Variants in RNF217 observed in about 807,000 individuals in gnomAD.
RNF217 encodes ring finger protein 217.
Under a neutral mutation model 57.8 loss-of-function variants are expected in RNF217, and 31 were observed. The observed-to-expected ratio is 0.54, with a 90% CI of 0.40 to 0.72. The LOEUF (loss-of-function observed/expected upper bound fraction) is 0.72, where lower values mean the gene tolerates loss of function less well. RNF217 is among the 30% of genes least tolerant of loss of function. The probability of loss-of-function intolerance (pLI) is 0.00; values close to 1 mark genes in which losing one functional copy is unlikely to be tolerated. For missense variants in RNF217, 696 were observed against 708.3 expected, an observed-to-expected ratio of 0.98 and a Z score of 0.20; for synonymous variants, 313 against 294.0, an observed-to-expected ratio of 1.06 and a Z score of -0.66.
chr6:125,074,261 A>G (rs1788263120), intron 3 of RNF217, among the ~76,000 whole-genome samples: 1 of 151,738 alleles, frequency 6.6e-6, no homozygotes, highest in Non-Finnish European at 1.5e-5. Flanking sequence ...TCACCAAGAA[A>G]CTCTCCAGTT....
chr6:125,060,637 G>T (rs932843271), intron 3 of RNF217, among the ~76,000 whole-genome samples: 4 of 151,892 alleles, frequency 2.6e-5, no homozygotes, highest in African/African-American at 4.8e-5. Context: ...TAGAGACGGG[G>T]TTTCACCATG....
chr6:125,009,448 T>C lies in RNF217; in HGVS notation c.883-35763T>C, dbSNP rs949306540. 28 of 500,406 alleles carry C rather than the reference T, an allele frequency of 5.6e-5. No individual in the cohort carries two copies. In the Admixed American group the frequency reaches 9.8e-4, roughly 17 times the overall value. The allele number at this position is 500,406 out of a possible 1,614,324, so 31.0% of individuals were successfully genotyped here. ...ATTTTCTTTCAGATGGTGCCATCTC[T>C]TTCTAGAAAGAATGTAAGAAGGCAG... On this transcript the variant is annotated intron_variant, in intron 1 of 5. Transcript: ENST00000521654.
At chr6:125,018,061 A>C (rs1444657357) in intron 1 of RNF217, among the ~76,000 whole-genome samples, 1 of 152,210 alleles carries the variant, frequency 6.6e-6, no homozygotes. Flanking sequence ...CTAGCTATTC[A>C]ATAATTTGTG....
At chr6:125,077,791 G>A (rs189710539) in intron 4 of RNF217, among the ~76,000 whole-genome samples, 18 of 152,028 alleles carry the variant, frequency 1.2e-4, no homozygotes, top group Admixed American at 8.5e-4. Flanking sequence ...CCACATTTCC[G>A]TTTTCCTTCC....
At chr6:125,046,471 A>T (rs192020015) in intron 2 of RNF217, 4 of 408,520 alleles carry the variant, frequency 9.8e-6, no homozygotes. Context: ...CCAGTGCCCC[A>T]GGCCCACCCC....
At chr6:125,039,217 A>C (rs1428694005) in intron 1 of RNF217, among the ~76,000 whole-genome samples, 2 of 152,056 alleles carry the variant, frequency 1.3e-5, no homozygotes, top group Non-Finnish European at 2.9e-5. Flanking sequence ...TCCATGGTGC[A>C]TATGTACCAC....
chr6:125,051,781 T>C (rs192388388), intron 2 of RNF217, among the ~76,000 whole-genome samples: 4 of 152,078 alleles, frequency 2.6e-5, no homozygotes, highest in African/African-American at 7.2e-5. Flanking sequence ...TGAGCTGTTA[T>C]CCTGATTCTG....
At chr6:124,976,532 T>G (rs1783969912) in intron 1 of RNF217, among the ~76,000 whole-genome samples, 1 of 151,930 alleles carries the variant, frequency 6.6e-6, no homozygotes, top group Non-Finnish European at 1.5e-5. Context: ...CCTCCCAAAG[T>G]GCTGGGATTA....
At chr6:125,024,719 CAAA>C (rs35985972) in intron 1 of RNF217, among the ~76,000 whole-genome samples, 1,672 of 83,542 alleles carry the variant, frequency 0.02, 30 homozygotes, top group African/African-American at 0.064. Context: ...GACTCTGTCT[CAAA>C]AAAAAAAAAA....
intron 1 of RNF217, among the ~76,000 whole-genome samples, chr6:124,984,826 C>T (rs1784315862): frequency 6.6e-6 from 1 of 151,836 alleles, no homozygotes; most frequent in African/African-American, 2.4e-5. Context: ...AGCTTTATTC[C>T]CTCTAAGCAA....
intron 3 of RNF217, among the ~76,000 whole-genome samples, chr6:125,076,084 A>T (rs1190755771): frequency 1.3e-5 from 2 of 152,172 alleles, no homozygotes; most frequent in Admixed American, 6.5e-5. Context: ...CACAGATGGT[A>T]TTGTACAAAC....
In RNF217 at chr6:125,064,322, A is replaced by C. The variant is rs149107970; in HGVS notation, c.1281+6216A>C. 2.6e-4 allele frequency among the ~76,000 whole-genome samples: 40 copies of C among 152,314 alleles called. No homozygotes were observed. In the East Asian group the frequency reaches 6.4e-3, roughly 24 times the overall value. ...ATTGGCACTGTTTTTATGGTATGCC[A>C]AGCTCTAGACCTTAGTTGTTAGAAG... is the stretch of plus-strand genomic sequence containing the variant. On this transcript the variant is annotated intron_variant, in intron 3 of 5. Transcript: ENST00000521654.
intron 1 of RNF217, among the ~76,000 whole-genome samples, chr6:124,965,270 A>G (rs557469488): frequency 2.0e-5 from 3 of 152,242 alleles, no homozygotes; most frequent in African/African-American, 7.2e-5. Context: ...GGGACTTTCA[A>G]TAAATAATAA....
chr6:125,032,475 A>G (rs998240230), intron 1 of RNF217, among the ~76,000 whole-genome samples: 1 of 151,840 alleles, frequency 6.6e-6, no homozygotes, highest in African/African-American at 2.4e-5. Context: ...AAATATATAT[A>G]TATATTTCTT....
intron 1 of RNF217, among the ~76,000 whole-genome samples, chr6:124,985,779 A>T (rs1295879487): frequency 2.0e-5 from 3 of 152,212 alleles, no homozygotes; most frequent in African/African-American, 7.2e-5. Flanking sequence ...GCAAGGAATT[A>T]TATTCTTTAT....
chr6:125,020,984 A>G (rs12192918), intron 1 of RNF217, among the ~76,000 whole-genome samples: 78,565 of 151,956 alleles, frequency 0.52, 22,966 homozygotes, highest in Non-Finnish European at 0.67. Context: ...TGTAATTACT[A>G]TCATGGAACG....
chr6:125,065,715 T>C (rs1478230148), intron 3 of RNF217, among the ~76,000 whole-genome samples: 1 of 152,202 alleles, frequency 6.6e-6, no homozygotes, highest in Non-Finnish European at 1.5e-5. Context: ...TTTCTTAATG[T>C]AATTCATTAG....
chr6:125,018,861 C>G (rs771499832), intron 1 of RNF217, among the ~76,000 whole-genome samples: 1 of 152,072 alleles, frequency 6.6e-6, no homozygotes, highest in Non-Finnish European at 1.5e-5. Flanking sequence ...GATATAGATG[C>G]ACCATACTGA....
intron 1 of RNF217, among the ~76,000 whole-genome samples, chr6:125,034,216 A>C (rs534619233): frequency 6.6e-6 from 1 of 152,018 alleles, no homozygotes. Flanking sequence ...CCCATTTGTC[A>C]ATTTTTTCTT....
Sources: gnomAD v4.1 joint callset for allele counts (sites outside exome capture counted in the v4.1 genomes callset) on GRCh38, gnomAD v4.1.1 for gene constraint, MANE v1.5 for transcripts, NCBI Gene and HGNC (gene_info 2026-07-23, HGNC 2026-07-21) for gene names.